The following CADM2 variants were observed in gnomAD, a reference collection of about 807,000 sequenced individuals.
The protein encoded by CADM2 is immunoglobulin superfamily member 4D.
Under a neutral mutation model 49.8 loss-of-function variants are expected in CADM2, and 12 were observed. The ratio of observed to expected loss-of-function variants is 0.24; its 90% CI spans 0.15 to 0.39. The LOEUF is 0.39. CADM2 is among the 10% of genes least tolerant of loss of function. CADM2 has a pLI of 1.00. For missense variants in CADM2, 378 were observed against 492.3 expected (o/e 0.77, Z 2.20); for synonymous variants, 214 against 175.4 (o/e 1.22, Z -1.74).
chr3:85,242,700 G>T (rs2107839101), intron 1 of CADM2, among the ~76,000 whole-genome samples: 1 of 151,848 alleles, frequency 6.6e-6, no homozygotes, highest in Non-Finnish European at 1.5e-5. Context: ...AAGAAATTAT[G>T]ACGTTAGAGC....
rs993105426 is a variant in CADM2, at chr3:86,071,152, G to A, written c.*4369G>A. ...AGAAATAACCTGAGTTTTAAATTTC[G>A]ATTCATATCTCATTGAATTGGGAAT... On this transcript the variant is annotated 3_prime_UTR_variant, in exon 10 of 10. Coordinates refer to ENST00000383699, the MANE Select transcript of CADM2 (RefSeq NM_001167675.2). The A allele has an allele frequency of 3.3e-5, 5 of 151,718 alleles. No homozygotes were observed. Among genetic ancestry groups the A allele is most frequent in the African/African-American group, 4.8e-5 (2 of 41,370 alleles). 9.4% of individuals were successfully genotyped at this position (151,718 alleles called of 1,614,324 possible). A position where few individuals can be genotyped will look rare whatever the true frequency, so the allele number is the denominator to read the frequency against.
At chr3:86,036,749 G>A (rs1480193427) in intron 8 of CADM2, among the ~76,000 whole-genome samples, 3 of 152,128 alleles carry the variant, frequency 2.0e-5, no homozygotes, top group Non-Finnish European at 4.4e-5. Flanking sequence ...AATTTCAAAG[G>A]CTGCTGTGCA....
chr3:85,512,786 G>T (rs1188654873), intron 1 of CADM2, among the ~76,000 whole-genome samples: 1 of 104,180 alleles, frequency 9.6e-6, no homozygotes, highest in East Asian at 7.1e-4. Context: ...AAAAATTGAG[G>T]ACTATTAATA....
intron 1 of CADM2, among the ~76,000 whole-genome samples, chr3:85,180,514 G>GAAAAAAAAAA (rs58932967): frequency 6.5e-5 from 5 of 77,274 alleles, no homozygotes; most frequent in Admixed American, 1.5e-4. Flanking sequence ...GTCTCAAAAA[G>GAAAAAAAAAA]AAAAAAAAAA....
intron 1 of CADM2, among the ~76,000 whole-genome samples, chr3:85,215,637 C>A (rs72913058): frequency 0.071 from 10,806 of 152,024 alleles, 1,287 homozygotes; most frequent in African/African-American, 0.25. Flanking sequence ...GAACTCAGTA[C>A]AGCACCAGGA....
At chr3:85,225,298 C>T (rs2042132589) in intron 1 of CADM2, among the ~76,000 whole-genome samples, 1 of 152,118 alleles carries the variant, frequency 6.6e-6, no homozygotes, top group Non-Finnish European at 1.5e-5. Context: ...TTGTAGTTCT[C>T]CTTGAAGAGG....
At chr3:85,935,455 G>T (rs1010404981) in intron 6 of CADM2, among the ~76,000 whole-genome samples, 1 of 152,000 alleles carries the variant, frequency 6.6e-6, no homozygotes, top group African/African-American at 2.4e-5. Flanking sequence ...AATAGTTTAA[G>T]AAACAATTGT....
intron 1 of CADM2, among the ~76,000 whole-genome samples, chr3:85,573,619 A>G (rs1026579297): frequency 1.3e-5 from 2 of 152,222 alleles, no homozygotes; most frequent in African/African-American, 4.8e-5. Flanking sequence ...ATGATCTTGC[A>G]TGAATATGTA....
chr3:85,208,883 G>T (rs1356936062), intron 1 of CADM2, among the ~76,000 whole-genome samples: 2 of 152,084 alleles, frequency 1.3e-5, no homozygotes, highest in Admixed American at 1.3e-4. Flanking sequence ...CTCCAGATAA[G>T]AAATGATGTT....
intron 1 of CADM2, among the ~76,000 whole-genome samples, chr3:85,474,104 TATTA>T (rs2038881377): frequency 6.6e-6 from 1 of 151,908 alleles, no homozygotes; most frequent in Non-Finnish European, 1.5e-5. Context: ...TCAATATTTG[TATTA>T]GTTAGGGATC....
intron 1 of CADM2, among the ~76,000 whole-genome samples, chr3:85,252,355 A>T (rs991757971): frequency 1.4e-4 from 22 of 152,098 alleles, no homozygotes; most frequent in African/African-American, 4.3e-4. Context: ...AACAATAAGA[A>T]AAAATGATGA....
At chr3:85,415,208 T>C (rs1576511685) in intron 1 of CADM2, among the ~76,000 whole-genome samples, 1 of 152,154 alleles carries the variant, frequency 6.6e-6, no homozygotes, top group East Asian at 1.9e-4. Flanking sequence ...CACAAAATAT[T>C]TAATAAGCAT....
rs558600152 is a variant in CADM2 at position 85,294,293 on chromosome 3, T to G, written c.61+334625T>G. On this transcript the variant is annotated intron_variant, in intron 1 of 9. Transcript: ENST00000383699. ...CACTGCTCAAGGAAATAAAAGAGGA[T>G]ACAAACAAATGGACGAACATTCTAT... Among the ~76,000 whole-genome samples, 4 of 152,228 alleles carry G rather than the reference T, an allele frequency of 2.6e-5. No homozygotes were observed. In the East Asian group the frequency reaches 5.8e-4, roughly 22 times the overall value.
intron 5 of CADM2, among the ~76,000 whole-genome samples, chr3:85,908,730 T>G (rs1288007915): frequency 4.0e-5 from 1 of 25,130 alleles, no homozygotes; most frequent in Non-Finnish European, 7.7e-5. Context: ...CGGTTATGAT[T>G]TTTTTTTTTT....
At chr3:85,642,615 G>T (rs533529752) in intron 1 of CADM2, among the ~76,000 whole-genome samples, 2 of 152,140 alleles carry the variant, frequency 1.3e-5, no homozygotes, top group East Asian at 1.9e-4. Context: ...TCTATTATTT[G>T]CTCAGATAAC....
At chr3:85,205,543 A>G (rs1427729191) in intron 1 of CADM2, among the ~76,000 whole-genome samples, 2 of 152,168 alleles carry the variant, frequency 1.3e-5, no homozygotes, top group East Asian at 1.9e-4. Flanking sequence ...TTATGTAAAT[A>G]AGAGACACTA....
chr3:85,034,848 G>A (rs2035145150), intron 1 of CADM2, among the ~76,000 whole-genome samples: 2 of 139,260 alleles, frequency 1.4e-5, no homozygotes, highest in African/African-American at 5.6e-5. Context: ...CTGTCACCCA[G>A]GCTGTAGTGC....
At chr3:85,863,231 G>C (rs1391775749) in intron 3 of CADM2, among the ~76,000 whole-genome samples, 5 of 152,138 alleles carry the variant, frequency 3.3e-5, no homozygotes, top group African/African-American at 1.2e-4. Flanking sequence ...GTCTTTGTAA[G>C]TGAGGAGATG....
At position 85,751,103 on chromosome 3, in the gene CADM2, A is replaced by G. The variant is rs188491893; in HGVS notation, c.88+24555A>G. Among the ~76,000 whole-genome samples, 12 of 152,236 alleles carry G rather than the reference A, an allele frequency of 7.9e-5. No homozygotes were observed. The East Asian group carries it at 2.1e-3, about 27-fold the overall frequency. On this transcript the variant is annotated intron_variant, in intron 2 of 9. Transcript: ENST00000383699. Reference sequence around the variant, plus strand: ...GTCAAAATTGGAGGTCCTAATGTACAGTGAGTCATTCAGCTGGGAAGAAAC... The same window carrying G: ...GTCAAAATTGGAGGTCCTAATGTACGGTGAGTCATTCAGCTGGGAAGAAAC...
Sources: allele counts gnomAD v4.1 joint callset (sites outside exome capture counted in the v4.1 genomes callset), GRCh38; gene constraint gnomAD v4.1.1; transcripts MANE v1.5; gene names NCBI Gene and HGNC (gene_info 2026-07-23, HGNC 2026-07-21).